RASGRF1: variants seen among roughly 807,000 people sequenced by gnomAD.
RASGRF1 encodes the protein Ras protein specific guanine nucleotide releasing factor 1, also known as ras-specific guanine nucleotide-releasing factor 1.
A neutral mutation model predicts 138.7 loss-of-function variants in RASGRF1; 40 were observed. The observed-to-expected ratio is 0.29, with a 90% CI of 0.22 to 0.38. The LOEUF is 0.38. Ranked by LOEUF, RASGRF1 falls within the 10% of genes least tolerant of loss-of-function variation. The probability of loss-of-function intolerance (pLI) is 1.00; values close to 1 mark genes in which losing one functional copy is unlikely to be tolerated. For missense variants in RASGRF1, 1,108 were observed against 1,650.4 expected, an observed-to-expected ratio of 0.67 and a Z score of 5.69; for synonymous variants, 614 against 663.2, an observed-to-expected ratio of 0.93 and a Z score of 1.14.
chr15:78,965,843 T>G (rs1425777948), intron 26 of RASGRF1, among the ~76,000 whole-genome samples: 3 of 152,122 alleles, frequency 2.0e-5, no homozygotes, highest in African/African-American at 7.2e-5. Context: ...AGAGTGAAAC[T>G]CCGTCTCAAA....
intron 23 of RASGRF1, among the ~76,000 whole-genome samples, chr15:78,983,786 G>A (rs981238793): frequency 6.6e-6 from 1 of 152,242 alleles, no homozygotes; most frequent in Non-Finnish European, 1.5e-5. Flanking sequence ...CTGAGCTCCT[G>A]TGCTCCTGAG....
At chr15:79,084,861 C>G (rs1443498521) in intron 1 of RASGRF1, among the ~76,000 whole-genome samples, 1 of 152,134 alleles carries the variant, frequency 6.6e-6, no homozygotes, top group Admixed American at 6.6e-5. Flanking sequence ...CAGGTTTGAT[C>G]CTGTCTTCTT....
rs1192643127 is a variant in RASGRF1 at position 79,025,557 on chromosome 15, GGGCAGCAGCAGTGGGACAA to G, written c.1382-102_1382-84del. ...CCCAGCCTTGAAGGTTGAGATGCTG[GGGCAGCAGCAGTGGGACAA>G]GTCCATTCTGTTTCCCAGTAGCAAA... On this transcript the variant is annotated intron_variant, in intron 9 of 26. Coordinates refer to ENST00000558480, the MANE Select transcript of RASGRF1 (RefSeq NM_001145648.3). 2.0e-6 allele frequency: 3 copies of G among 1,482,804 alleles called. No homozygotes were observed. In the East Asian group the frequency reaches 6.9e-5, roughly 34 times the overall value. The allele number at this position is 1,482,804 out of a possible 1,614,324, so 91.9% of individuals were successfully genotyped here. A position where few individuals can be genotyped will look rare whatever the true frequency, so the allele number is the denominator to read the frequency against.
At chr15:79,033,572 TTTTCTTTTC>T (rs1450889510) in intron 6 of RASGRF1, among the ~76,000 whole-genome samples, 10 of 105,636 alleles carry the variant, frequency 9.5e-5, no homozygotes, top group African/African-American at 3.4e-4. Flanking sequence ...TCTTCTTCTT[TTTTCTTTTC>T]TTTTTTTTTT....
intron 19 of RASGRF1, among the ~76,000 whole-genome samples, 185 bp from the exon 20 acceptor site, chr15:78,995,985 G>A (rs913306104): frequency 6.6e-6 from 1 of 152,158 alleles, no homozygotes; most frequent in Admixed American, 6.5e-5. Context: ...TCCTGGCTGT[G>A]GGAGGTCCCC....
chr15:78,970,587 CA>C (rs2055734079), intron 26 of RASGRF1, among the ~76,000 whole-genome samples: 1 of 126,290 alleles, frequency 7.9e-6, no homozygotes, highest in Non-Finnish European at 1.5e-5. Flanking sequence ...TGTACCACTG[CA>C]GTCCAGCCTG....
At chr15:79,068,533 A>G (rs975365693) in intron 1 of RASGRF1, among the ~76,000 whole-genome samples, 1 of 149,004 alleles carries the variant, frequency 6.7e-6, no homozygotes, top group Admixed American at 6.7e-5. Flanking sequence ...GTATATATAT[A>G]CATACATATA....
At position 79,046,602 on chromosome 15, in the gene RASGRF1, A is replaced by C; in HGVS notation, c.878+144T>G. On this transcript the variant is annotated intron_variant, in intron 5 of 26. Transcript: ENST00000558480. The surrounding 1 kb of genome is among the most constrained non-coding windows in gnomAD (Gnocchi z 5.3). ...ACAATTATTGGGGTTGGTGGTTTCTAGCCACGTGATCTTGGGCACTTCTGT... is the reference window on the plus strand; with the variant it reads ...ACAATTATTGGGGTTGGTGGTTTCTCGCCACGTGATCTTGGGCACTTCTGT... 16 of 1,359,756 alleles carry C rather than the reference A, an allele frequency of 1.2e-5. No homozygotes were observed. The highest frequency in any genetic ancestry group is 1.6e-5 in the Non-Finnish European group (16 of 991,156). The allele number at this position is 1,359,756 out of a possible 1,614,324, so 84.2% of individuals were successfully genotyped here.
intron 8 of RASGRF1, among the ~76,000 whole-genome samples, chr15:79,029,371 G>A (rs1317324327): frequency 1.3e-5 from 2 of 152,178 alleles, no homozygotes; most frequent in East Asian, 1.9e-4. Context: ...GGGGTTTTGC[G>A]GGGGAAGCCT....
At chr15:79,085,856 C>T (rs1340576607) in intron 1 of RASGRF1, among the ~76,000 whole-genome samples, 1 of 152,172 alleles carries the variant, frequency 6.6e-6, no homozygotes, top group Non-Finnish European at 1.5e-5. Context: ...CACCAAGGGC[C>T]AAAATGTTTG....
intron 10 of RASGRF1, among the ~76,000 whole-genome samples, chr15:79,024,050 CACACAT>C (rs889680829): frequency 7.9e-5 from 12 of 150,972 alleles, no homozygotes; most frequent in Non-Finnish European, 7.4e-5. Flanking sequence ...AACACACACA[CACACAT>C]ACACATACAC....
chr15:79,006,154 C>A lies in RASGRF1; in HGVS notation c.2075+32G>T. 6.8e-6 allele frequency: 11 copies of A among 1,612,590 alleles called. No individual in the cohort carries two copies. The highest frequency in any genetic ancestry group is 9.3e-6 in the Non-Finnish European group (11 of 1,178,898). ...TTTCCTCCAAGGCTTGGAAGCTCTCCGGGCATGGGAGGAGGAGGGCACCTC... is the reference window on the plus strand; with the variant it reads ...TTTCCTCCAAGGCTTGGAAGCTCTCAGGGCATGGGAGGAGGAGGGCACCTC... On this transcript the variant is annotated intron_variant, in intron 14 of 26. Coordinates refer to ENST00000558480, the MANE Select transcript of RASGRF1 (RefSeq NM_001145648.3). The surrounding 1 kb of genome is among the most constrained non-coding windows in gnomAD (Gnocchi z 4.0).
intron 24 of RASGRF1, chr15:78,978,431 G>T: frequency 1.3e-6 from 1 of 781,408 alleles, no homozygotes; most frequent in Non-Finnish European, 1.6e-6. Context: ...TGCCATGTTG[G>T]CAAGGTTGGT....
chr15:78,967,014 A>G (rs2055656978), intron 26 of RASGRF1, among the ~76,000 whole-genome samples: 1 of 152,254 alleles, frequency 6.6e-6, no homozygotes, highest in Admixed American at 6.5e-5. Flanking sequence ...CTTTTAAAAA[A>G]AAATGAGGCT....
At chr15:79,051,753 A>G (rs965721270) in intron 3 of RASGRF1, among the ~76,000 whole-genome samples, 1 of 152,204 alleles carries the variant, frequency 6.6e-6, no homozygotes, top group Non-Finnish European at 1.5e-5. Context: ...CTACATGCGC[A>G]GGCAACAAAA....
intron 15 of RASGRF1, among the ~76,000 whole-genome samples, chr15:79,002,044 A>G (rs1347538547): frequency 6.6e-6 from 1 of 152,138 alleles, no homozygotes; most frequent in East Asian, 1.9e-4. Flanking sequence ...ACACCTGGGG[A>G]TCTTGTCAGA....
At chr15:79,059,965 CACACACACACACACACA>C (rs142999991) in intron 2 of RASGRF1, among the ~76,000 whole-genome samples, 13,535 of 62,876 alleles carry the variant, frequency 0.22, 745 homozygotes, top group Non-Finnish European at 0.24. Context: ...CTGATACACT[CACACACACACACACACA>C]GACACACAGA....
chr15:79,013,291 C>A (rs2056828258), intron 13 of RASGRF1, among the ~76,000 whole-genome samples: 1 of 152,158 alleles, frequency 6.6e-6, no homozygotes, highest in Non-Finnish European at 1.5e-5. Flanking sequence ...GCCTTCAAGG[C>A]CAGACCTTTC....
intron 26 of RASGRF1, among the ~76,000 whole-genome samples, chr15:78,969,017 A>T (rs1201948663): frequency 2.0e-5 from 3 of 152,110 alleles, no homozygotes; most frequent in African/African-American, 7.2e-5. Flanking sequence ...TTGACTACAA[A>T]TCCCCACCTG....
Sources: gnomAD v4.1 joint callset for allele counts (sites outside exome capture counted in the v4.1 genomes callset) on GRCh38, gnomAD v4.1.1 for gene constraint, Gnocchi (gnomAD v3.1) non-coding constraint, MANE v1.5 for transcripts, NCBI Gene and HGNC (gene_info 2026-07-23, HGNC 2026-07-21) for gene names.